Variants in ALPK2 observed in about 807,000 individuals in gnomAD.
The protein encoded by ALPK2 is alpha-protein kinase 2.
Under a neutral mutation model 163.1 loss-of-function variants are expected in ALPK2, and 127 were observed. The observed-to-expected ratio is 0.78, with a 90% CI of 0.67 to 0.90. ALPK2 has a LOEUF of 0.90. Among genes scored for constraint, ALPK2 ranks in the 40% least tolerant of loss-of-function variants. The pLI is 0.00. For missense variants in ALPK2, 2,360 were observed against 2,589.6 expected (o/e 0.91, Z 1.92); for synonymous variants, 953 against 959.1 (o/e 0.99, Z 0.12).
chr18:58,573,614 T>C (rs12958714), intron 4 of ALPK2, among the ~76,000 whole-genome samples: 162 of 28,572 alleles, frequency 5.7e-3, no homozygotes, highest in Non-Finnish European at 6.9e-3. Context: ...TTTTGTCTTC[T>C]TTTTTTTTTT....
intron 3 of ALPK2, among the ~76,000 whole-genome samples, chr18:58,589,730 C>T (rs890450339): frequency 6.6e-6 from 1 of 152,132 alleles, no homozygotes; most frequent in Admixed American, 6.5e-5. Flanking sequence ...TGGGTGATTC[C>T]ACCAGCAAAA....
intron 4 of ALPK2, among the ~76,000 whole-genome samples, chr18:58,539,228 T>C (rs1168327193): frequency 6.6e-6 from 1 of 152,120 alleles, no homozygotes; most frequent in Non-Finnish European, 1.5e-5. Flanking sequence ...GAGAAGCTTA[T>C]AAACATCCCA....
At chr18:58,596,323 T>A (rs1359913871) in intron 3 of ALPK2, among the ~76,000 whole-genome samples, 1 of 152,204 alleles carries the variant, frequency 6.6e-6, no homozygotes, top group African/African-American at 2.4e-5. Flanking sequence ...GACCATCTCA[T>A]GATGCCTCTG....
intron 1 of ALPK2, among the ~76,000 whole-genome samples, chr18:58,621,551 G>A (rs568079188): frequency 1.3e-5 from 2 of 152,300 alleles, no homozygotes; most frequent in South Asian, 2.1e-4. Flanking sequence ...GATTACAGGC[G>A]TGAGCCACTG....
At chr18:58,483,417 C>T (rs1157790968) in intron 12 of ALPK2, among the ~76,000 whole-genome samples, 1 of 152,204 alleles carries the variant, frequency 6.6e-6, no homozygotes, top group Admixed American at 6.6e-5. Context: ...ACCCATTGAC[C>T]TCTTCAGCCA....
intron 10 of ALPK2, among the ~76,000 whole-genome samples, chr18:58,506,894 G>C (rs184723972): frequency 4.7e-4 from 71 of 152,122 alleles, no homozygotes; most frequent in Non-Finnish European, 8.8e-4. Flanking sequence ...CCCGAATCCT[G>C]ATCATCAAAA....
chr18:58,525,235 A>G (rs958614857), intron 6 of ALPK2, among the ~76,000 whole-genome samples: 12 of 152,238 alleles, frequency 7.9e-5, no homozygotes, highest in Admixed American at 7.2e-4. Flanking sequence ...AGTGGCTTAA[A>G]ACAAAGTTCA....
chr18:58,482,931 A>G (rs2051319164), intron 12 of ALPK2, among the ~76,000 whole-genome samples: 1 of 152,206 alleles, frequency 6.6e-6, no homozygotes, highest in African/African-American at 2.4e-5. Flanking sequence ...GTGAAAGGGT[A>G]GTAGGCTATT....
chr18:58,583,812 A>C (rs2051972671), intron 3 of ALPK2, among the ~76,000 whole-genome samples: 1 of 152,070 alleles, frequency 6.6e-6, no homozygotes, highest in Middle Eastern at 3.2e-3. Context: ...ACTACTGGGA[A>C]ATCCCAAGTA....
chr18:58,530,613 G>A (rs1186547682), intron 5 of ALPK2, among the ~76,000 whole-genome samples: 2 of 152,294 alleles, frequency 1.3e-5, no homozygotes, highest in African/African-American at 4.8e-5. Flanking sequence ...CTGTTGTACC[G>A]AACACAAGGA....
intron 4 of ALPK2, among the ~76,000 whole-genome samples, chr18:58,554,140 A>G (rs781132224): frequency 1.8e-4 from 27 of 152,314 alleles, no homozygotes; most frequent in Non-Finnish European, 3.1e-4. Flanking sequence ...GATTACAGGC[A>G]TGAGCCTCTG....
intron 1 of ALPK2, among the ~76,000 whole-genome samples, chr18:58,622,205 G>A (rs1322477635): frequency 6.6e-6 from 1 of 151,870 alleles, no homozygotes; most frequent in African/African-American, 2.4e-5. Flanking sequence ...AAATTAGCCG[G>A]GTGTGGTGGC....
chr18:58,577,052 G>A (rs35654000), intron 4 of ALPK2, among the ~76,000 whole-genome samples: 24,405 of 152,154 alleles, frequency 0.16, 2,142 homozygotes, highest in African/African-American at 0.22. Context: ...ATATAGTGAT[G>A]AATGTGTGTG....
rs2051662883 is a variant in ALPK2 at position 58,537,891 on chromosome 18, C to T, written c.2296G>A (p.Ala766Thr). Residue 766 changes from alanine to threonine, a missense_variant, in exon 5 of 13, where the codon GCT becomes ACT. Coordinates refer to ENST00000361673, the MANE Select transcript of ALPK2 (RefSeq NM_052947.4). The part of the protein sequence containing the change: ...FSRHLPKDAR[A>T]DFREPVAVSV... ...ACAGCCACAGGCTCCCTGAAGTCAG[C>T]ACGAGCATCCTTGGGGAGATGCCTT... 2 of 1,614,046 alleles carry T rather than the reference C, an allele frequency of 1.2e-6. No homozygotes were observed. Among genetic ancestry groups the T allele is most frequent in the Non-Finnish European group, 8.5e-7 (1 of 1,180,030 alleles).
intron 1 of ALPK2, among the ~76,000 whole-genome samples, chr18:58,614,952 T>C (rs1246612450): frequency 1.3e-5 from 2 of 151,678 alleles, no homozygotes; most frequent in African/African-American, 4.8e-5. Flanking sequence ...CTAATCTACT[T>C]TCTGTCTGTA....
Position 58,523,809 on chromosome 18 carries a change from T to C in ALPK2, c.5662A>G (p.Lys1888Glu), listed in dbSNP as rs773317254. The change falls in exon 8 of 13, where the codon AAA becomes GAA. Residue 1888 changes from lysine (K) to glutamate (E), a missense_variant. Physicochemically the swap from Lys to Glu is moderately conservative, Grantham distance 56. Transcript: ENST00000361673. ...LKQLSSRQDTKGCEEIEFSQL... is the reference protein window; with the variant it reads ...LKQLSSRQDTEGCEEIEFSQL... ...AGGTCAACCCTAACTGACTTACCTTTAGTATCCTGGCGACTTGACAGCTGT... is the reference window on the plus strand; with the variant it reads ...AGGTCAACCCTAACTGACTTACCTTCAGTATCCTGGCGACTTGACAGCTGT... The C allele has an allele frequency of 6.2e-7, 1 of 1,614,234 alleles. No individual in the cohort carries two copies. Among genetic ancestry groups the C allele is most frequent in the Non-Finnish European group, 8.5e-7 (1 of 1,180,016 alleles).
intron 3 of ALPK2, among the ~76,000 whole-genome samples, chr18:58,597,680 G>T (rs935064483): frequency 6.6e-6 from 1 of 152,174 alleles, no homozygotes; most frequent in Admixed American, 6.5e-5. Flanking sequence ...GCTCATCTTA[G>T]TCTGGCCCTG....
chr18:58,589,013 C>A (rs2052001833), intron 3 of ALPK2, among the ~76,000 whole-genome samples: 1 of 152,010 alleles, frequency 6.6e-6, no homozygotes, highest in African/African-American at 2.4e-5. Context: ...CCTGAGGATC[C>A]CTAAAAAGGT....
chr18:58,605,405 G>A (rs535055980), intron 3 of ALPK2, among the ~76,000 whole-genome samples: 1 of 152,314 alleles, frequency 6.6e-6, no homozygotes, highest in African/African-American at 2.4e-5. Context: ...AGATAGAGAA[G>A]GGAGAGATAT....
Sources: gnomAD v4.1 joint callset for allele counts (sites outside exome capture counted in the v4.1 genomes callset) on GRCh38, gnomAD v4.1.1 for gene constraint, MANE v1.5 for transcripts, NCBI Gene and HGNC (gene_info 2026-07-23, HGNC 2026-07-21) for gene names.